CFTR: variants seen among roughly 807,000 people sequenced by gnomAD.
CFTR encodes cystic fibrosis transmembrane conductance regulator.
CFTR carries 181 observed loss-of-function variants against 171.6 expected under a neutral mutation model. The ratio of observed to expected loss-of-function variants is 1.05; its 90% CI spans 0.93 to 1.19. The LOEUF (loss-of-function observed/expected upper bound fraction) is 1.19, where lower values mean the gene tolerates loss of function less well. CFTR is among the 50% of genes most tolerant of loss of function. The probability of loss-of-function intolerance (pLI) is 0.00; values close to 1 mark genes in which losing one functional copy is unlikely to be tolerated. For missense variants in CFTR, 1,968 were observed against 1,734.7 expected, an observed-to-expected ratio of 1.13 and a Z score of -2.39; for synonymous variants, 583 against 608.0, an observed-to-expected ratio of 0.96 and a Z score of 0.60.
chr7:117,513,820 A>G (rs901691393), intron 3 of CFTR, among the ~76,000 whole-genome samples: 54 of 152,108 alleles, frequency 3.6e-4, no homozygotes, highest in Non-Finnish European at 1.9e-4. Context: ...CTAACCCTAG[A>G]GTGACACTGC....
chr7:117,504,367 T>C lies in CFTR; in HGVS notation c.164+4T>C. On this transcript the variant is annotated splice_donor_region_variant and intron_variant, in intron 2 of 26. Transcript: ENST00000003084. The stretch of plus-strand genomic sequence containing the variant: ...ATCTATCTGAAAAATTGGAAAGGTA[T>C]GTTCATGTACATTGTTTAGTTGAAG... 1 of 1,380,338 alleles carries C rather than the reference T, an allele frequency of 7.2e-7. No homozygotes were observed. The highest frequency in any genetic ancestry group is 1.0e-6 in the Non-Finnish European group (1 of 966,858). 85.5% of individuals were successfully genotyped at this position (1,380,338 alleles called of 1,614,324 possible).
rs767910302 is a variant in CFTR, at chr7:117,603,652, G to A, written c.2778G>A (p.Leu926=). The stretch of plus-strand genomic sequence containing the variant: ...TTTACGTGGGAGTAGCCGACACTTT[G>A]CTTGCTATGGGATTCTTCAGAGGTC... The part of the protein sequence containing the change: ...FYIYVGVADT[L]LAMGFFRGLP... Residue 926 remains leucine (L), a synonymous_variant, in exon 17 of 27, where the codon TTG becomes TTA. Transcript: ENST00000003084. 6.2e-7 allele frequency: 1 copy of A among 1,614,078 alleles called. No individual in the cohort carries two copies. The highest frequency in any genetic ancestry group is 8.5e-7 in the Non-Finnish European group (1 of 1,179,968).
At chr7:117,528,402 C>A (rs1798798336) in intron 3 of CFTR, among the ~76,000 whole-genome samples, 1 of 114,134 alleles carries the variant, frequency 8.8e-6, no homozygotes, top group Non-Finnish European at 1.8e-5. Flanking sequence ...GACCTAAAAC[C>A]ATAAAAACCC....
chr7:117,549,518 G>A (rs1270538342), intron 10 of CFTR, among the ~76,000 whole-genome samples: 1 of 151,988 alleles, frequency 6.6e-6, no homozygotes, highest in Non-Finnish European at 1.5e-5. Context: ...TGTAGATAAT[G>A]GTAAAAACTT....
chr7:117,610,684 G>A lies in CFTR; in HGVS notation c.3139+15G>A. ...GGAATCTGAAGGTATGACAGTGAAT[G>A]TGCGATACTCATCTTGTAAAAAAGC... On this transcript the variant is annotated intron_variant, in intron 19 of 26. Coordinates refer to ENST00000003084, the MANE Select transcript of CFTR (RefSeq NM_000492.4). 1 of 1,612,732 alleles carries A rather than the reference G, an allele frequency of 6.2e-7. No homozygotes were observed. Among genetic ancestry groups the A allele is most frequent in the Non-Finnish European group, 8.5e-7 (1 of 1,179,094 alleles).
At chr7:117,553,580 A>G (rs991379699) in intron 10 of CFTR, among the ~76,000 whole-genome samples, 1 of 152,214 alleles carries the variant, frequency 6.6e-6, no homozygotes, top group African/African-American at 2.4e-5. Context: ...ATATTATCTA[A>G]TTTAAAAAGT....
At chr7:117,541,687 T>C (rs910369263) in intron 8 of CFTR, among the ~76,000 whole-genome samples, 3 of 152,186 alleles carry the variant, frequency 2.0e-5, no homozygotes, top group Non-Finnish European at 4.4e-5. Flanking sequence ...TAAGGCACAT[T>C]AGTGGGTAAT....
chr7:117,620,714 A>T (rs1792561701), intron 21 of CFTR, among the ~76,000 whole-genome samples: 1 of 152,242 alleles, frequency 6.6e-6, no homozygotes, highest in South Asian at 2.1e-4. Context: ...CTTTGTGCCC[A>T]TCATTTTACT....
intron 1 of CFTR, among the ~76,000 whole-genome samples, chr7:117,499,007 A>G (rs998178327): frequency 6.6e-6 from 1 of 152,194 alleles, no homozygotes; most frequent in African/African-American, 2.4e-5. Flanking sequence ...CTTTAAGTGT[A>G]TTAGTATGTC....
intron 13 of CFTR, among the ~76,000 whole-genome samples, chr7:117,590,796 G>A (rs981070316): frequency 1.3e-4 from 19 of 151,812 alleles, no homozygotes; most frequent in African/African-American, 4.4e-4. Context: ...ATTTTATTCT[G>A]TCTTCTCCTT....
Position 117,590,451 on chromosome 7 carries a change from G to T in CFTR, c.1766+12G>T. On this transcript the variant is annotated intron_variant, in intron 13 of 26. Coordinates refer to ENST00000003084, the MANE Select transcript of CFTR (RefSeq NM_000492.4). ...GAAATATTTGAAAGGTATGTTCTTT[G>T]AATACCTTACTTATAATGCTCATGC... is the stretch of plus-strand genomic sequence containing the variant. 2 of 1,596,916 alleles carry T rather than the reference G, an allele frequency of 1.3e-6. No homozygotes were observed. The highest frequency in any genetic ancestry group is 1.1e-5 in the South Asian group (1 of 90,648).
At chr7:117,532,755 T>C (rs1798884462) in intron 4 of CFTR, among the ~76,000 whole-genome samples, 1 of 152,220 alleles carries the variant, frequency 6.6e-6, no homozygotes, top group Admixed American at 6.6e-5. Context: ...ATGTTGCATA[T>C]CTGTGTTCTT....
At chr7:117,499,821 A>G (rs1023336562) in intron 1 of CFTR, among the ~76,000 whole-genome samples, 2 of 151,996 alleles carry the variant, frequency 1.3e-5, no homozygotes, top group African/African-American at 2.4e-5. Context: ...AAAGGACAAT[A>G]AGAAAGAAAG....
intron 11 of CFTR, among the ~76,000 whole-genome samples, chr7:117,578,256 A>C (rs1468470799): frequency 6.6e-6 from 1 of 151,826 alleles, no homozygotes; most frequent in African/African-American, 2.4e-5. Context: ...CTTCCTCCTC[A>C]GCTGACTCAA....
At chr7:117,603,996 G>A (rs568155225) in intron 17 of CFTR, among the ~76,000 whole-genome samples, 14 of 152,284 alleles carry the variant, frequency 9.2e-5, no homozygotes, top group African/African-American at 3.4e-4. Flanking sequence ...GAGTAGCTTG[G>A]TTTGTAAGAA....
At chr7:117,499,046 G>A (rs1389866605) in intron 1 of CFTR, among the ~76,000 whole-genome samples, 1 of 152,138 alleles carries the variant, frequency 6.6e-6, no homozygotes, top group Admixed American at 6.6e-5. Flanking sequence ...CATGCAATTA[G>A]TGGTTTGAAT....
chr7:117,560,417 A>G (rs1237805124), intron 11 of CFTR, among the ~76,000 whole-genome samples: 1 of 152,128 alleles, frequency 6.6e-6, no homozygotes, highest in African/African-American at 2.4e-5. Flanking sequence ...GTATACTCCA[A>G]ATAGTGTTTG....
chr7:117,540,157 C>T lies in CFTR; in HGVS notation c.927C>T (p.Ala309=), dbSNP rs1800084. Reference sequence around the variant, plus strand: ...ATGTGAGATACTTCAATAGCTCAGCCTTCTTCTTCTCAGGGTTCTTTGTGG... The same window carrying T: ...ATGTGAGATACTTCAATAGCTCAGCTTTCTTCTTCTCAGGGTTCTTTGTGG... The part of the protein sequence containing the change: ...AAYVRYFNSS[A]FFFSGFFVVF... Residue 309 remains alanine (A), a synonymous_variant, in exon 8 of 27, where the codon GCC becomes GCT. Transcript: ENST00000003084. 2.0e-5 allele frequency: 33 copies of T among 1,613,630 alleles called. No homozygotes were observed. In the East Asian group the frequency reaches 6.7e-4, roughly 33 times the overall value.
chr7:117,641,063 G>GTAT (rs1437432353), intron 22 of CFTR, among the ~76,000 whole-genome samples: 1 of 152,104 alleles, frequency 6.6e-6, no homozygotes. Context: ...ATTCAACAGA[G>GTAT]TATTGTACTT....
Sources: allele counts gnomAD v4.1 joint callset (sites outside exome capture counted in the v4.1 genomes callset), GRCh38; gene constraint gnomAD v4.1.1; transcripts MANE v1.5; gene names NCBI Gene and HGNC (gene_info 2026-07-23, HGNC 2026-07-21).